GALNT13: variants seen among roughly 807,000 people sequenced by gnomAD.
GALNT13 encodes the protein polypeptide N-acetylgalactosaminyltransferase 13, also known as UDP-GalNAc:polypeptide N-acetylgalactosaminyltransferase 13.
A neutral mutation model predicts 64.2 loss-of-function variants in GALNT13; 28 were observed. The observed-to-expected ratio is 0.44, with a 90% CI of 0.32 to 0.60. The LOEUF (loss-of-function observed/expected upper bound fraction) is 0.60. Ranked by LOEUF, GALNT13 falls within the 20% of genes least tolerant of loss-of-function variation. The pLI, the probability that GALNT13 is intolerant of heterozygous loss-of-function variation, is 0.05. For missense variants in GALNT13, 577 were observed against 669.8 expected, an observed-to-expected ratio of 0.86 and a Z score of 1.53; for synonymous variants, 214 against 224.6, an observed-to-expected ratio of 0.95 and a Z score of 0.42.
At chr2:153,630,799 ATATATATATTT>A in the GALNT13 span, among the ~76,000 whole-genome samples, 22 of 16,158 alleles carry the variant, frequency 1.4e-3, no homozygotes, top group African/African-American at 2.8e-3. Flanking sequence ...ATATATATAT[ATATATATATTT>A]TTTTTTTTTT....
chr2:153,733,997 G>A, the GALNT13 span, among the ~76,000 whole-genome samples: 1 of 152,064 alleles, frequency 6.6e-6, no homozygotes, highest in Non-Finnish European at 1.5e-5. Context: ...AAGCAGTCAG[G>A]TTGCTTGATT....
At chr2:154,199,413 G>T (rs953621710) in intron 4 of GALNT13, among the ~76,000 whole-genome samples, 3 of 151,936 alleles carry the variant, frequency 2.0e-5, no homozygotes, top group African/African-American at 4.8e-5. Context: ...GAGAATTTTT[G>T]ACTGTATCAG....
the GALNT13 span, among the ~76,000 whole-genome samples, chr2:153,735,181 T>C: frequency 6.6e-6 from 1 of 152,180 alleles, no homozygotes; most frequent in Non-Finnish European, 1.5e-5. Context: ...ATGCTCTACC[T>C]GATTTTATTT....
chr2:153,131,877 G>A, the GALNT13 span, among the ~76,000 whole-genome samples: 4 of 151,860 alleles, frequency 2.6e-5, no homozygotes, highest in Admixed American at 2.0e-4. Flanking sequence ...ATTTTCTATG[G>A]GAAAGATGTT....
At chr2:153,190,816 T>A in the GALNT13 span, among the ~76,000 whole-genome samples, 1 of 152,048 alleles carries the variant, frequency 6.6e-6, no homozygotes, top group African/African-American at 2.4e-5. Context: ...TATTCCTAGG[T>A]ATTTTATTTT....
At chr2:153,893,734 C>T (rs374047178) in intron 1 of GALNT13, among the ~76,000 whole-genome samples, 1 of 151,192 alleles carries the variant, frequency 6.6e-6, no homozygotes, top group Non-Finnish European at 1.5e-5. Flanking sequence ...ATCATATGGA[C>T]AAGCCATAAT....
chr2:154,407,767 T>C (rs1244009910), intron 10 of GALNT13, among the ~76,000 whole-genome samples: 1 of 152,110 alleles, frequency 6.6e-6, no homozygotes, highest in East Asian at 1.9e-4. Context: ...TCCAGTTTTT[T>C]CTAACATTTA....
chr2:154,307,671 T>C (rs995706479), intron 9 of GALNT13, among the ~76,000 whole-genome samples: 1 of 152,144 alleles, frequency 6.6e-6, no homozygotes, highest in African/African-American at 2.4e-5. Flanking sequence ...GCAAATACTA[T>C]ATAGCATCAA....
the GALNT13 span, among the ~76,000 whole-genome samples, chr2:153,097,240 A>G: frequency 6.6e-6 from 1 of 151,994 alleles, no homozygotes; most frequent in South Asian, 2.1e-4. Flanking sequence ...AAATTGTTGT[A>G]ATTATTATTT....
the GALNT13 span, among the ~76,000 whole-genome samples, chr2:153,513,123 A>C: frequency 6.6e-6 from 1 of 152,230 alleles, no homozygotes; most frequent in Non-Finnish European, 1.5e-5. Context: ...GATAGAAATA[A>C]ATAATTGGAT....
At chr2:153,259,985 T>A in the GALNT13 span, among the ~76,000 whole-genome samples, 22 of 152,316 alleles carry the variant, frequency 1.4e-4, no homozygotes, top group East Asian at 3.9e-4. Context: ...GTGTTTTTTT[T>A]AATTTGAGTT....
At chr2:153,557,584 A>C in the GALNT13 span, among the ~76,000 whole-genome samples, 7 of 152,046 alleles carry the variant, frequency 4.6e-5, no homozygotes, top group Non-Finnish European at 8.8e-5. Flanking sequence ...CATTTGCAAC[A>C]CCAGTTTGCA....
chr2:153,171,717 T>C, the GALNT13 span, among the ~76,000 whole-genome samples: 109 of 152,308 alleles, frequency 7.2e-4, no homozygotes, highest in Middle Eastern at 3.4e-3. Context: ...AAGAAAACTG[T>C]GTTTTATGAC....
At chr2:154,328,041 T>C (rs1027587296) in intron 9 of GALNT13, among the ~76,000 whole-genome samples, 1 of 152,128 alleles carries the variant, frequency 6.6e-6, no homozygotes, top group Non-Finnish European at 1.5e-5. Context: ...TCTGTTTTTT[T>C]ATTATAAAAA....
chr2:153,223,971 AAAAAAT>A, the GALNT13 span, among the ~76,000 whole-genome samples: 2 of 152,126 alleles, frequency 1.3e-5, no homozygotes, highest in Non-Finnish European at 2.9e-5. Flanking sequence ...CTCTGTCTCA[AAAAAAT>A]AAAAATAAAT....
chr2:154,399,299 G>A (rs1313524298), intron 10 of GALNT13, among the ~76,000 whole-genome samples: 2 of 151,954 alleles, frequency 1.3e-5, no homozygotes, highest in Non-Finnish European at 2.9e-5. Context: ...TAGTCCATTA[G>A]GGCTGCTATA....
intron 4 of GALNT13, among the ~76,000 whole-genome samples, chr2:154,214,203 C>T (rs1335005762): frequency 6.6e-6 from 1 of 152,150 alleles, no homozygotes; most frequent in Non-Finnish European, 1.5e-5. Flanking sequence ...ATAGTCAATC[C>T]TTTCCTCTTT....
At chr2:154,039,666 A>G (rs1332201076) in intron 3 of GALNT13, among the ~76,000 whole-genome samples, 1 of 139,588 alleles carries the variant, frequency 7.2e-6, no homozygotes, top group Non-Finnish European at 1.6e-5. Flanking sequence ...GCAGAATTAC[A>G]ACTAGATGGG....
At chr2:153,450,338 T>C in the GALNT13 span, among the ~76,000 whole-genome samples, 1 of 152,154 alleles carries the variant, frequency 6.6e-6, no homozygotes, top group Admixed American at 6.6e-5. Flanking sequence ...TTCCTCCCCA[T>C]CTTACTCAAC....
Sources: gnomAD v4.1 joint callset for allele counts (sites outside exome capture counted in the v4.1 genomes callset) on GRCh38, gnomAD v4.1.1 for gene constraint, MANE v1.5 for transcripts, NCBI Gene and HGNC (gene_info 2026-07-23, HGNC 2026-07-21) for gene names.